The following NDUFAF6 variants were observed in gnomAD, a reference collection of about 807,000 sequenced individuals.
NDUFAF6 encodes the protein NADH dehydrogenase (ubiquinone) complex I, assembly factor 6.
In NDUFAF6, 45 loss-of-function variants were observed where a neutral mutation model predicts 40.8. The ratio of observed to expected loss-of-function variants is 1.10; its 90% CI spans 0.87 to 1.42. The LOEUF (loss-of-function observed/expected upper bound fraction) is 1.42, where lower values mean the gene tolerates loss of function less well. Among genes scored for constraint, NDUFAF6 ranks in the 40% most tolerant of loss-of-function variants. The pLI is 0.00. For missense variants in NDUFAF6, 435 were observed against 418.5 expected, an observed-to-expected ratio of 1.04 and a Z score of -0.34; for synonymous variants, 185 against 155.9, an observed-to-expected ratio of 1.19 and a Z score of -1.39.
intron 1 of NDUFAF6, among the ~76,000 whole-genome samples, chr8:94,936,283 G>T (rs1055193223): frequency 2.0e-5 from 3 of 152,178 alleles, no homozygotes; most frequent in African/African-American, 7.2e-5. Context: ...ATAATAAATG[G>T]AAATGGTTTA....
chr8:95,038,492 A>G (rs1458048280), intron 3 of NDUFAF6, among the ~76,000 whole-genome samples: 1 of 151,598 alleles, frequency 6.6e-6, no homozygotes, highest in Non-Finnish European at 1.5e-5. Context: ...CTACAGGCAC[A>G]TGCTACCACA....
upstream of NDUFAF6, among the ~76,000 whole-genome samples, chr8:94,957,693 T>G (rs1272617345): frequency 6.6e-6 from 1 of 152,096 alleles, no homozygotes; most frequent in African/African-American, 2.4e-5. Flanking sequence ...TAAGAAGATG[T>G]GTGTTTGGAG....
intron 2 of NDUFAF6, chr8:94,949,919 G>T (rs1157660325): frequency 6.6e-6 from 1 of 152,342 alleles, no homozygotes; most frequent in South Asian, 2.1e-4. Flanking sequence ...GGGGGCCGCT[G>T]CTGGGCCCCA....
intron 1 of NDUFAF6, among the ~76,000 whole-genome samples, chr8:94,931,837 T>G (rs886285875): frequency 1.3e-5 from 2 of 151,992 alleles, no homozygotes; most frequent in African/African-American, 4.8e-5. Context: ...CCAGGTGTGG[T>G]GATGCAAGCC....
intron 2 of NDUFAF6, chr8:95,087,791 C>T (rs6471512): frequency 0.63 from 96,069 of 151,924 alleles, 31,318 homozygotes; most frequent in African/African-American, 0.78. Flanking sequence ...TCATTTTCAC[C>T]GTCACCACAG....
chr8:94,950,663 A>G (rs1350240724), intron 2 of NDUFAF6: 1 of 152,226 alleles, frequency 6.6e-6, no homozygotes, highest in East Asian at 1.9e-4. Flanking sequence ...AGATAGTCTC[A>G]CAGACTTGAA....
At chr8:95,039,282 G>A (rs986311594) in intron 3 of NDUFAF6, among the ~76,000 whole-genome samples, 1 of 151,632 alleles carries the variant, frequency 6.6e-6, no homozygotes, top group Non-Finnish European at 1.5e-5. Context: ...GTGAAACCCC[G>A]TCTCTACTAA....
upstream of NDUFAF6, among the ~76,000 whole-genome samples, chr8:94,957,201 A>C (rs896498087): frequency 1.3e-5 from 2 of 152,152 alleles, no homozygotes; most frequent in Non-Finnish European, 2.9e-5. Flanking sequence ...GAAACAAAGA[A>C]AGGATGAGGG....
intron 1 of NDUFAF6, among the ~76,000 whole-genome samples, chr8:94,907,851 A>T (rs1818492667): frequency 6.6e-6 from 1 of 152,158 alleles, no homozygotes. Context: ...AGGTCCTGAG[A>T]ACATATGCCT....
intron 2 of NDUFAF6, among the ~76,000 whole-genome samples, chr8:94,952,061 G>T (rs992947310): frequency 3.3e-5 from 5 of 152,246 alleles, no homozygotes; most frequent in Non-Finnish European, 5.9e-5. Context: ...ACCCCCTGCT[G>T]TGGGGGTGAC....
upstream of NDUFAF6, among the ~76,000 whole-genome samples, chr8:95,024,270 C>T (rs951887519): frequency 3.9e-5 from 6 of 152,192 alleles, no homozygotes; most frequent in African/African-American, 1.4e-4. Context: ...TGAACTGAGG[C>T]ACTTCAGCTT....
At chr8:94,996,055 GAGC>G (rs1399292325) in intron 2 of NDUFAF6, among the ~76,000 whole-genome samples, 7 of 152,266 alleles carry the variant, frequency 4.6e-5, no homozygotes, top group Non-Finnish European at 8.8e-5. Flanking sequence ...TCACAGGCGT[GAGC>G]CACTGCACCC....
At chr8:94,904,273 A>C (rs1818226727) in intron 1 of NDUFAF6, among the ~76,000 whole-genome samples, 1 of 130,924 alleles carries the variant, frequency 7.6e-6, no homozygotes, top group African/African-American at 2.9e-5. Flanking sequence ...CCTCCCGAGT[A>C]GCTGGGACTA....
chr8:94,976,432 G>A (rs1824944578), intron 1 of NDUFAF6, among the ~76,000 whole-genome samples: 1 of 151,096 alleles, frequency 6.6e-6, no homozygotes, highest in African/African-American at 2.4e-5. Context: ...TGAACCAGGA[G>A]GTGGAGGTTG....
intron 6 of NDUFAF6, among the ~76,000 whole-genome samples, chr8:95,047,508 C>CTTTTTTTTT (rs373655223): frequency 8.7e-5 from 11 of 126,412 alleles, no homozygotes; most frequent in South Asian, 2.6e-4. Flanking sequence ...CTTTTCTTTT[C>CTTTTTTTTT]TTTTTTTTTT....
intron 1 of NDUFAF6, among the ~76,000 whole-genome samples, chr8:94,979,266 G>T (rs2131571853): frequency 6.6e-6 from 1 of 152,018 alleles, no homozygotes; most frequent in South Asian, 2.1e-4. Flanking sequence ...CTTACCTTCT[G>T]CCACCTGGGC....
In NDUFAF6 at chr8:95,005,606, T is replaced by C. The variant is rs199746272; in HGVS notation, c.-84+24633T>C. On this transcript the variant is annotated intron_variant, in intron 2 of 9. Transcript: ENST00000396111. Reference sequence around the variant, plus strand: ...TTATTATTTATTATTTTTATTATTATAAGCCCTCATCATTTTATTGTGCCT... The same window carrying C: ...TTATTATTTATTATTTTTATTATTACAAGCCCTCATCATTTTATTGTGCCT... 1.2e-4 allele frequency among the ~76,000 whole-genome samples: 18 copies of C among 148,664 alleles called. No homozygotes were observed. In the Middle Eastern group the frequency reaches 0.011, roughly 88 times the overall value.
intron 3 of NDUFAF6, chr8:95,041,010 C>T (rs1830085828): frequency 6.6e-6 from 1 of 152,278 alleles, no homozygotes; most frequent in Non-Finnish European, 1.5e-5. Context: ...GTTTTAGTTA[C>T]TCTATTTTTC....
intron 9 of NDUFAF6, chr8:95,068,352 A>G (rs1184999610): frequency 6.6e-6 from 1 of 151,952 alleles, no homozygotes; most frequent in African/African-American, 2.4e-5. Context: ...TAAAAATACT[A>G]TGAATAGTTG....
Sources: gnomAD v4.1 joint callset for allele counts (sites outside exome capture counted in the v4.1 genomes callset) on GRCh38, gnomAD v4.1.1 for gene constraint, MANE v1.5 for transcripts, NCBI Gene and HGNC (gene_info 2026-07-23, HGNC 2026-07-21) for gene names.